Variants in GRIA4 observed in about 807,000 individuals in gnomAD.
GRIA4 encodes the protein glutamate ionotropic receptor AMPA type subunit 4.
GRIA4 carries 34 observed loss-of-function variants against 104.0 expected under a neutral mutation model. The observed-to-expected ratio is 0.33, with a 90% CI of 0.25 to 0.44. The LOEUF (loss-of-function observed/expected upper bound fraction) is 0.44, where lower values mean the gene tolerates loss of function less well. Ranked by LOEUF, GRIA4 falls within the 20% of genes least tolerant of loss-of-function variation. GRIA4 has a pLI of 1.00. For missense variants in GRIA4, 750 were observed against 1,096.5 expected, an observed-to-expected ratio of 0.68 and a Z score of 4.46; for synonymous variants, 386 against 381.9, an observed-to-expected ratio of 1.01 and a Z score of -0.13.
chr11:105,794,741 C>T (rs1942410778), intron 4 of GRIA4, among the ~76,000 whole-genome samples: 1 of 150,462 alleles, frequency 6.6e-6, no homozygotes, highest in Non-Finnish European at 1.5e-5. Context: ...GGGTTTTAAT[C>T]TTGGAGATGG....
chr11:105,830,371 A>T (rs1344754403), intron 4 of GRIA4, among the ~76,000 whole-genome samples: 1 of 152,080 alleles, frequency 6.6e-6, no homozygotes, highest in East Asian at 1.9e-4. Flanking sequence ...CTTGGATTTC[A>T]AAATGCCAAC....
rs1419673611 is a variant in GRIA4, at chr11:105,918,880, A to G, written c.1438A>G (p.Lys480Glu). The G allele has an allele frequency of 6.2e-7, 1 of 1,611,360 alleles. No homozygotes were observed. Reference protein sequence around the residue: ...GKYGARDADTKIWNGMVGELV... With the variant: ...GKYGARDADTEIWNGMVGELV... ...ATATGGAGCAAGGGATGCAGACACA[A>G]AAATCTGGAATGGGATGGTAGGAGA... The change falls in exon 11 of 17, where the codon AAA (lysine) becomes GAA (glutamate). Residue 480 changes from lysine to glutamate, a missense_variant. By Grantham distance (56) the Lys-to-Glu change is moderately conservative. Transcript: ENST00000282499.
chr11:105,862,093 T>C lies in GRIA4; in HGVS notation c.557T>C (p.Val186Ala). Residue 186 changes from valine (V) to alanine (A), a missense_variant, in exon 5 of 17, where the codon GTG (valine) becomes GCG (alanine). Transcript: ENST00000282499. ...GGTTGGCATGTCAGCGCTATATGTG[T>C]GGAAAATTTTAATGATGTCAGCTAT... ...QNGWHVSAIC[V>A]ENFNDVSYRQ... The C allele has an allele frequency of 6.2e-7, 1 of 1,611,432 alleles. No individual in the cohort carries two copies.
intron 6 of GRIA4, among the ~76,000 whole-genome samples, chr11:105,897,391 G>A (rs994806389): frequency 1.3e-5 from 2 of 151,958 alleles, no homozygotes; most frequent in Non-Finnish European, 2.9e-5. Flanking sequence ...TTTCCTATTT[G>A]AATGCCTTTT....
At chr11:105,741,494 C>A (rs1344886622) in intron 3 of GRIA4, among the ~76,000 whole-genome samples, 6 of 151,990 alleles carry the variant, frequency 3.9e-5, no homozygotes, top group Non-Finnish European at 1.5e-5. Context: ...TAAAATGGGT[C>A]AAGTGGGAAA....
At chr11:105,629,213 A>G (rs1211119913) in intron 3 of GRIA4, among the ~76,000 whole-genome samples, 1 of 151,820 alleles carries the variant, frequency 6.6e-6, no homozygotes, top group East Asian at 1.9e-4. Context: ...AGGCTGGGTG[A>G]CAAAGTAAGA....
chr11:105,691,807 C>G (rs1244081846), intron 3 of GRIA4, among the ~76,000 whole-genome samples: 6 of 151,612 alleles, frequency 4.0e-5, no homozygotes, highest in Admixed American at 1.3e-4. Flanking sequence ...TGGTGGCAGG[C>G]GCCTGTAATT....
chr11:105,850,776 T>C (rs987677318), intron 4 of GRIA4, among the ~76,000 whole-genome samples: 2 of 152,196 alleles, frequency 1.3e-5, no homozygotes, highest in Non-Finnish European at 2.9e-5. Flanking sequence ...GCAGCAAGCA[T>C]ACGCTCAATG....
intron 3 of GRIA4, among the ~76,000 whole-genome samples, chr11:105,665,286 G>A (rs566441609): frequency 1.3e-5 from 2 of 151,740 alleles, no homozygotes; most frequent in African/African-American, 4.8e-5. Flanking sequence ...CAATATTTAG[G>A]GGTACTAACT....
At chr11:105,900,168 T>G (rs1322202660) in intron 7 of GRIA4, among the ~76,000 whole-genome samples, 3 of 152,220 alleles carry the variant, frequency 2.0e-5, no homozygotes, top group Admixed American at 2.0e-4. Flanking sequence ...AGTATCGATT[T>G]AAGAGTAACA....
At chr11:105,673,825 A>G (rs1952450918) in intron 3 of GRIA4, among the ~76,000 whole-genome samples, 3 of 152,028 alleles carry the variant, frequency 2.0e-5, no homozygotes, top group African/African-American at 7.2e-5. Context: ...AATGTATAAA[A>G]TATCTATTAT....
intron 4 of GRIA4, among the ~76,000 whole-genome samples, chr11:105,811,497 C>A (rs1342471037): frequency 1.3e-5 from 2 of 152,016 alleles, no homozygotes; most frequent in African/African-American, 2.4e-5. Context: ...GAAGGGGTGA[C>A]TGGAATTGCT....
chr11:105,832,215 C>T (rs1944002234), intron 4 of GRIA4, among the ~76,000 whole-genome samples: 1 of 151,928 alleles, frequency 6.6e-6, no homozygotes, highest in South Asian at 2.1e-4. Context: ...AGCAACTTGA[C>T]ATATATCTGC....
intron 12 of GRIA4, 75 bp downstream of exon 12, chr11:105,924,844 T>A: frequency 8.7e-7 from 1 of 1,147,256 alleles, no homozygotes; most frequent in Non-Finnish European, 1.2e-6. Flanking sequence ...TCTCTCTACA[T>A]GTTCTTTTCC....
chr11:105,825,518 T>A (rs1943737708), intron 4 of GRIA4, among the ~76,000 whole-genome samples: 1 of 152,078 alleles, frequency 6.6e-6, no homozygotes, highest in Admixed American at 6.6e-5. Flanking sequence ...GAGTCCAAGT[T>A]GACTTACCCC....
At chr11:105,630,268 A>C (rs1233973290) in intron 3 of GRIA4, among the ~76,000 whole-genome samples, 7 of 152,194 alleles carry the variant, frequency 4.6e-5, no homozygotes, top group African/African-American at 1.7e-4. Flanking sequence ...TAATAGCATT[A>C]AATTAACACC....
intron 3 of GRIA4, among the ~76,000 whole-genome samples, chr11:105,682,149 G>A (rs911369759): frequency 2.0e-5 from 3 of 152,192 alleles, no homozygotes; most frequent in Middle Eastern, 3.4e-3. Context: ...CTACTAGACC[G>A]TGCTAGCCTA....
intron 3 of GRIA4, among the ~76,000 whole-genome samples, chr11:105,688,549 T>C (rs946071467): frequency 2.6e-5 from 4 of 151,808 alleles, no homozygotes; most frequent in Admixed American, 6.6e-5. Context: ...GGCGACAGAG[T>C]GAGACTCCGT....
At chr11:105,675,468 C>T (rs1259668748) in intron 3 of GRIA4, among the ~76,000 whole-genome samples, 2 of 151,760 alleles carry the variant, frequency 1.3e-5, no homozygotes, top group Non-Finnish European at 2.9e-5. Context: ...CCAGCATTAG[C>T]GTTCCTCTCT....
Sources: gnomAD v4.1 joint callset for allele counts (sites outside exome capture counted in the v4.1 genomes callset) on GRCh38, gnomAD v4.1.1 for gene constraint, MANE v1.5 for transcripts, NCBI Gene and HGNC (gene_info 2026-07-23, HGNC 2026-07-21) for gene names.